Variants in KIF16B observed in about 807,000 individuals in gnomAD.
The protein encoded by KIF16B is kinesin family member 16B.
A neutral mutation model predicts 156.3 loss-of-function variants in KIF16B; 98 were observed. The ratio of observed to expected loss-of-function variants is 0.63; its 90% CI spans 0.53 to 0.74. The LOEUF is 0.74. Among genes scored for constraint, KIF16B ranks in the 30% least tolerant of loss-of-function variants. The pLI, the probability that KIF16B is intolerant of heterozygous loss-of-function variation, is 0.00. For missense variants in KIF16B, 1,421 were observed against 1,606.5 expected, an observed-to-expected ratio of 0.88 and a Z score of 1.97; for synonymous variants, 564 against 583.7, an observed-to-expected ratio of 0.97 and a Z score of 0.49.
At chr20:16,505,098 T>C (rs1280102093) in intron 9 of KIF16B, among the ~76,000 whole-genome samples, 2 of 151,912 alleles carry the variant, frequency 1.3e-5, no homozygotes, top group Non-Finnish European at 2.9e-5. Flanking sequence ...CGTGGCTCCA[T>C]AGTTAGCACA....
chr20:16,529,001 A>G (rs2069650264), intron 1 of KIF16B, among the ~76,000 whole-genome samples: 1 of 152,220 alleles, frequency 6.6e-6, no homozygotes, highest in South Asian at 2.1e-4. Flanking sequence ...TACCCAATGG[A>G]GTGTGACGCC....
intron 1 of KIF16B, among the ~76,000 whole-genome samples, chr20:16,537,787 T>A (rs2070035228): frequency 7.3e-6 from 1 of 137,764 alleles, no homozygotes; most frequent in South Asian, 2.6e-4. Flanking sequence ...CACTGCAACC[T>A]CTGTCTCCTG....
intron 12 of KIF16B, among the ~76,000 whole-genome samples, chr20:16,444,861 A>C (rs1273670335): frequency 1.3e-5 from 2 of 152,324 alleles, no homozygotes; most frequent in Middle Eastern, 6.8e-3. Flanking sequence ...TTCATGATTG[A>C]TTCTCATTTA....
intron 20 of KIF16B, among the ~76,000 whole-genome samples, chr20:16,372,023 C>G (rs62198125): frequency 0.01 from 1,529 of 152,308 alleles, 15 homozygotes; most frequent in Middle Eastern, 0.051. Context: ...GTGATCCCAT[C>G]CACGTCCTTA....
intron 9 of KIF16B, 66 bp downstream of exon 9, chr20:16,505,656 C>T (rs2068751961): frequency 6.9e-7 from 1 of 1,443,046 alleles, no homozygotes; most frequent in Non-Finnish European, 9.6e-7. Flanking sequence ...ACACTTTAAA[C>T]TTAAATATTT....
chr20:16,482,028 A>G (rs1261760745), intron 12 of KIF16B, among the ~76,000 whole-genome samples: 3 of 152,106 alleles, frequency 2.0e-5, no homozygotes, highest in Non-Finnish European at 4.4e-5. Context: ...GAAAGATGAC[A>G]ATGCTGGATC....
intron 10 of KIF16B, among the ~76,000 whole-genome samples, chr20:16,501,063 A>C (rs977213124): frequency 3.9e-5 from 6 of 152,170 alleles, no homozygotes; most frequent in African/African-American, 1.4e-4. Flanking sequence ...AAAACCTTTA[A>C]AAAAGAAGAT....
chr20:16,528,281 G>T, intron 2 of KIF16B, 90 bp downstream of exon 2: 1 of 974,082 alleles, frequency 1.0e-6, no homozygotes, highest in Non-Finnish European at 1.6e-6. Context: ...TGTGGAAACA[G>T]CAGACAGGCT....
intron 12 of KIF16B, among the ~76,000 whole-genome samples, chr20:16,475,614 C>T (rs147534427): frequency 2.6e-4 from 40 of 152,190 alleles, no homozygotes; most frequent in Admixed American, 1.6e-3. Flanking sequence ...AAATGTACAA[C>T]GAAGGATGAC....
At chr20:16,334,338 T>C (rs893508469) in intron 24 of KIF16B, among the ~76,000 whole-genome samples, 1 of 152,226 alleles carries the variant, frequency 6.6e-6, no homozygotes, top group African/African-American at 2.4e-5. Context: ...CTCTGTACAT[T>C]TCATATGTAC....
At position 16,524,829 on chromosome 20, in the gene KIF16B, T is replaced by G. The variant is rs550197677; in HGVS notation, c.231+1263A>C. On this transcript the variant is annotated intron_variant, in intron 3 of 25. Transcript: ENST00000354981. The stretch of plus-strand genomic sequence containing the variant: ...AAGAAAATGTGGCACATATAAACCA[T>G]GGAATACTATGCAGCCATAAAAAAG... Among the ~76,000 whole-genome samples, 423 of 152,256 alleles carry G rather than the reference T, an allele frequency of 2.8e-3. 1 individual carries two copies. Among genetic ancestry groups the G allele is most frequent in the African/African-American group, 9.7e-3 (402 of 41,544 alleles).
chr20:16,367,197 G>A (rs2064687328), intron 22 of KIF16B: 1 of 1,611,576 alleles, frequency 6.2e-7, no homozygotes, highest in East Asian at 2.2e-5. Context: ...CTTGAGAATT[G>A]AAAGTAAGTT....
At chr20:16,409,603 T>C (rs2065869299) in intron 15 of KIF16B, among the ~76,000 whole-genome samples, 1 of 151,926 alleles carries the variant, frequency 6.6e-6, no homozygotes, top group Non-Finnish European at 1.5e-5. Flanking sequence ...AGGTAAGTGA[T>C]GATGGCTCTG....
At chr20:16,289,789 C>T (rs1032876792) in intron 25 of KIF16B, among the ~76,000 whole-genome samples, 8 of 152,156 alleles carry the variant, frequency 5.3e-5, no homozygotes, top group African/African-American at 1.7e-4. Flanking sequence ...TGCAGTGAGC[C>T]GAGATTGAGC....
rs543906121 is a variant in KIF16B, at chr20:16,469,515, G to A, written c.1302+24776C>T. ...CAAGGAAATGTATAGCATTCAATGC[G>A]TGTTAGAATAGATCAAAAATCAATC... On this transcript the variant is annotated intron_variant, in intron 12 of 25. Coordinates refer to ENST00000354981, the MANE Select transcript of KIF16B (RefSeq NM_024704.5). Among the ~76,000 whole-genome samples the A allele has an allele frequency of 1.1e-4, 17 of 150,396 alleles. No individual in the cohort carries two copies. The South Asian group carries it at 3.1e-3, about 28-fold the overall frequency.
chr20:16,481,666 T>C (rs2067987740), intron 12 of KIF16B, among the ~76,000 whole-genome samples: 1 of 152,230 alleles, frequency 6.6e-6, no homozygotes. Context: ...CTTAAATGTA[T>C]AATGTACTGG....
chr20:16,524,261 T>G (rs796069266), intron 3 of KIF16B, among the ~76,000 whole-genome samples: 1 of 152,162 alleles, frequency 6.6e-6, no homozygotes, highest in Non-Finnish European at 1.5e-5. Context: ...GAGAAAATTT[T>G]TGCAATCTAT....
chr20:16,347,562 A>G (rs2064256613), intron 23 of KIF16B, among the ~76,000 whole-genome samples: 1 of 151,614 alleles, frequency 6.6e-6, no homozygotes, highest in Non-Finnish European at 1.5e-5. Context: ...GAAAACCGGG[A>G]AAGAAAAAAA....
chr20:16,312,387 A>G lies in KIF16B; in HGVS notation c.3743T>C (p.Leu1248Pro). The change falls in exon 25 of 26, where the codon CTA becomes CCA. Residue 1248 changes from leucine (L) to proline (P), a missense_variant. Physicochemically the swap from Leu to Pro is moderately conservative, Grantham distance 98 (BLOSUM62 -3). Transcript: ENST00000354981. ...LAALEFPPKK[L>P]FGNKDERVIA... ...CACACGTTCATCCTTATTTCCAAAT[A>G]GTTTCTTTGGAGGAAATTCAAGGGC... 1 of 1,613,600 alleles carries G rather than the reference A, an allele frequency of 6.2e-7. No homozygotes were observed. The highest frequency in any genetic ancestry group is 8.5e-7 in the Non-Finnish European group (1 of 1,179,740).
Sources: allele counts gnomAD v4.1 joint callset (sites outside exome capture counted in the v4.1 genomes callset), GRCh38; gene constraint gnomAD v4.1.1; transcripts MANE v1.5; gene names NCBI Gene and HGNC (gene_info 2026-07-23, HGNC 2026-07-21).